ARHGEF10: variants seen among roughly 807,000 people sequenced by gnomAD.
ARHGEF10 encodes the protein Rho guanine nucleotide exchange factor 10.
A neutral mutation model predicts 147.4 loss-of-function variants in ARHGEF10; 140 were observed. The ratio of observed to expected loss-of-function variants is 0.95; its 90% CI spans 0.83 to 1.09. ARHGEF10 has a LOEUF of 1.09. Ranked by LOEUF, ARHGEF10 falls within the 50% of genes least tolerant of loss-of-function variation. ARHGEF10 has a pLI of 0.00. For synonymous variants in ARHGEF10, 902 were observed against 695.8 expected, an observed-to-expected ratio of 1.30 and a Z score of -4.67; for missense variants, 2,222 against 1,752.7, an observed-to-expected ratio of 1.27 and a Z score of -4.78.
At chr8:1,841,809 G>T (rs1269416282) in intron 1 of ARHGEF10, among the ~76,000 whole-genome samples, 3 of 111,548 alleles carry the variant, frequency 2.7e-5, no homozygotes, top group Non-Finnish European at 4.2e-5. Context: ...CCTAGGAACT[G>T]GGGCCGCGGC....
chr8:1,843,239 A>T (rs1439045964), intron 1 of ARHGEF10, 114 bp from the exon 2 acceptor site: 3 of 734,626 alleles, frequency 4.1e-6, no homozygotes, highest in Non-Finnish European at 7.1e-6. Context: ...AATTATGGCT[A>T]GTAATGACAG....
At chr8:1,866,461 A>T in intron 5 of ARHGEF10, 65 bp from the exon 6 acceptor site, 1 of 1,351,132 alleles carries the variant, frequency 7.4e-7, no homozygotes, top group Non-Finnish European at 1.1e-6. Context: ...TCTGCAGGGC[A>T]GTTGGCATCC....
chr8:1,840,021 G>T (rs1803890401), intron 1 of ARHGEF10, among the ~76,000 whole-genome samples: 2 of 148,382 alleles, frequency 1.3e-5, no homozygotes, highest in African/African-American at 5.1e-5. Context: ...TGTCCGATAT[G>T]GGGACTGTCC....
chr8:1,940,403 C>G (rs1226609193), intron 26 of ARHGEF10, among the ~76,000 whole-genome samples: 1 of 152,088 alleles, frequency 6.6e-6, no homozygotes, highest in Non-Finnish European at 1.5e-5. Context: ...TAGAGTGGCA[C>G]AAACTACCAA....
intron 13 of ARHGEF10, among the ~76,000 whole-genome samples, chr8:1,895,916 T>C (rs941891678): frequency 1.9e-4 from 29 of 152,090 alleles, no homozygotes; most frequent in Admixed American, 1.9e-3. Flanking sequence ...AGCCCCCATT[T>C]CTAGGGTGTG....
At position 1,903,412 on chromosome 8, in the gene ARHGEF10, G is replaced by C. The variant is rs1472585396; in HGVS notation, c.1782G>C (p.Lys594Asn). The change falls in exon 16 of 29, where the codon AAG becomes AAC. Residue 594 changes from lysine (K) to asparagine (N), a missense_variant. Physicochemically the swap from Lys to Asn is moderately conservative, Grantham distance 94 (BLOSUM62 0). Transcript: ENST00000349830. ...KRDADQRCEV[K>N]QIAKAINERY... ...ATGCTGATCAACGCTGTGAAGTGAA[G>C]CAAATAGCCAAAGCCATAAACGAAA... 1 of 1,614,234 alleles carries C rather than the reference G, an allele frequency of 6.2e-7. No homozygotes were observed. The highest frequency in any genetic ancestry group is 8.5e-7 in the Non-Finnish European group (1 of 1,180,048).
At chr8:1,849,977 GCT>G (rs1804932889) in intron 2 of ARHGEF10, among the ~76,000 whole-genome samples, 2 of 83,866 alleles carry the variant, frequency 2.4e-5, no homozygotes, top group Non-Finnish European at 2.9e-5. Context: ...GCGTGGGCCG[GCT>G]GCATGGACAC....
At chr8:1,846,637 G>A (rs1248123079) in intron 2 of ARHGEF10, among the ~76,000 whole-genome samples, 2 of 152,098 alleles carry the variant, frequency 1.3e-5, no homozygotes, top group Non-Finnish European at 2.9e-5. Context: ...GAGTGAAGTG[G>A]TGTGATCTTG....
intron 8 of ARHGEF10, 86 bp from the exon 9 acceptor site, chr8:1,879,962 G>C (rs879547046): frequency 1.0e-6 from 1 of 954,358 alleles, no homozygotes; most frequent in East Asian, 2.4e-5. Context: ...CACTGCAGAC[G>C]CTGCCAGCAT....
chr8:1,928,340 G>C (rs554849427), intron 23 of ARHGEF10, 87 bp from the exon 24 acceptor site: 1 of 1,212,554 alleles, frequency 8.2e-7, no homozygotes, highest in African/African-American at 1.5e-5. Flanking sequence ...ATCGAAGCTT[G>C]TCGTGGCCTT....
chr8:1,884,483 CT>C (rs1318653913), intron 10 of ARHGEF10, among the ~76,000 whole-genome samples: 1 of 152,020 alleles, frequency 6.6e-6, no homozygotes, highest in African/African-American at 2.4e-5. Flanking sequence ...GAATTTCGTT[CT>C]TCGTCCTGGT....
At chr8:1,890,558 T>TTGAGGAGTCACTGAGTGTGTAAGGGTCTG (rs1563242108) in intron 11 of ARHGEF10, among the ~76,000 whole-genome samples, 22 of 143,760 alleles carry the variant, frequency 1.5e-4, no homozygotes, top group African/African-American at 5.9e-4. Flanking sequence ...GGTGAGAGTT[T>TTGAGGAGTCACTGAGTGTGTAAGGGTCTG]TGAGGAGTCA....
chr8:1,956,682 T>G (rs1815592654), intron 28 of ARHGEF10, 67 bp from the exon 29 acceptor site: 4 of 1,600,620 alleles, frequency 2.5e-6, no homozygotes, highest in Non-Finnish European at 3.4e-6. Context: ...AGCCCTGCAC[T>G]TTTTGCTTCC....
chr8:1,894,465 C>A lies in ARHGEF10; in HGVS notation c.1333C>A (p.Arg445=). The change falls in exon 13 of 29, where the codon CGA becomes AGA. Residue 445 remains arginine, a synonymous_variant. Transcript: ENST00000349830. ...SERKLKTVFY[R]VKEILQCHSL... The stretch of plus-strand genomic sequence containing the variant: ...GAGGAAGCTGAAGACGGTGTTCTAC[C>A]GAGTCAAAGAGATCCTGCAGTGCCA... 1 of 1,614,196 alleles carries A rather than the reference C, an allele frequency of 6.2e-7. No homozygotes were observed.
chr8:1,909,363 A>G lies in ARHGEF10; in HGVS notation c.2036A>G (p.His679Arg), dbSNP rs2129183658. 1 of 1,614,234 alleles carries G rather than the reference A, an allele frequency of 6.2e-7. No homozygotes were observed. The highest frequency in any genetic ancestry group is 1.1e-5 in the South Asian group (1 of 91,086). Residue 679 changes from histidine to arginine, a missense_variant, in exon 18 of 29, where the codon CAT (histidine) becomes CGT (arginine). Coordinates refer to ENST00000349830, the MANE Select transcript of ARHGEF10 (RefSeq NM_014629.4). ...YLLKWSVPLG[H>R]VDAIEYGSSA... is the part of the protein sequence containing the mutation. The stretch of plus-strand genomic sequence containing the variant: ...CTGAAGTGGAGCGTTCCACTGGGAC[A>G]TGTGGACGCCATCGAGTATGGCAGC...
In ARHGEF10 at chr8:1,864,357, T is replaced by C. The variant is rs1389462525; in HGVS notation, c.482-16T>C. 6.2e-7 allele frequency: 1 copy of C among 1,613,902 alleles called. No individual in the cohort carries two copies. The highest frequency in any genetic ancestry group is 1.1e-5 in the South Asian group (1 of 91,076). The stretch of plus-strand genomic sequence containing the variant: ...GTCAGGCGTAAAGCAGCATCACATA[T>C]TTTCTTTCCCAGCAGAAACACCAGA... On this transcript the variant is annotated splice_polypyrimidine_tract_variant and intron_variant, in intron 4 of 28. Transcript: ENST00000349830.
intron 1 of ARHGEF10, among the ~76,000 whole-genome samples, chr8:1,839,766 G>GAAGCTGTCT (rs1460724363): frequency 1.1e-4 from 16 of 148,496 alleles, no homozygotes; most frequent in African/African-American, 3.8e-4. Flanking sequence ...GTCTGGTGTG[G>GAAGCTGTCT]GGACTGTCTG....
rs762628827 is a variant in ARHGEF10, at chr8:1,898,425, C to A, written c.1558-8C>A. On this transcript the variant is annotated splice_region_variant and splice_polypyrimidine_tract_variant and intron_variant, in intron 14 of 28. Coordinates refer to ENST00000349830, the MANE Select transcript of ARHGEF10 (RefSeq NM_014629.4). ...GCAGGGAGGTGACCCCGGTGCCTTCCCCCACAGCAGGAACAGGAGGCCAGC... is the reference window on the plus strand; with the variant it reads ...GCAGGGAGGTGACCCCGGTGCCTTCACCCACAGCAGGAACAGGAGGCCAGC... 5.6e-6 allele frequency: 9 copies of A among 1,613,962 alleles called. No individual in the cohort carries two copies. Among genetic ancestry groups the A allele is most frequent in the South Asian group, 1.1e-5 (1 of 91,078 alleles).
intron 26 of ARHGEF10, among the ~76,000 whole-genome samples, chr8:1,945,063 A>T (rs1814453878): frequency 6.6e-6 from 1 of 152,206 alleles, no homozygotes; most frequent in Admixed American, 6.5e-5. Context: ...GGAGGCACAG[A>T]CTCAGAACCA....
Sources: gnomAD v4.1 joint callset for allele counts (sites outside exome capture counted in the v4.1 genomes callset) on GRCh38, gnomAD v4.1.1 for gene constraint, MANE v1.5 for transcripts, NCBI Gene and HGNC (gene_info 2026-07-23, HGNC 2026-07-21) for gene names.